Variants in SHOC2 observed in about 807,000 individuals in gnomAD.
SHOC2 encodes leucine-rich repeat protein SHOC-2.
Under a neutral mutation model 50.2 loss-of-function variants are expected in SHOC2, and 4 were observed. The observed-to-expected ratio is 0.08, with a 90% confidence interval of 0.04 to 0.18. The LOEUF (loss-of-function observed/expected upper bound fraction) is 0.18. Ranked by LOEUF, SHOC2 falls within the 10% of genes least tolerant of loss-of-function variation. SHOC2 has a pLI of 1.00. For synonymous variants in SHOC2, 218 were observed against 244.5 expected (o/e 0.89, Z 1.01); for missense variants, 388 against 669.6 (o/e 0.58, Z 4.64).
chr10:110,966,097 A>G (rs1847669560), intron 2 of SHOC2, among the ~76,000 whole-genome samples: 1 of 152,104 alleles, frequency 6.6e-6, no homozygotes, highest in Admixed American at 6.6e-5. Flanking sequence ...CTTTTCAAAG[A>G]TATGATATTC....
intron 1 of SHOC2, among the ~76,000 whole-genome samples, chr10:110,923,398 G>A (rs1846693332): frequency 1.3e-5 from 2 of 151,830 alleles, no homozygotes; most frequent in Non-Finnish European, 2.9e-5. Flanking sequence ...GTTCATTCTG[G>A]TTTTGTTTGG....
chr10:110,991,144 C>G (rs758856321), intron 3 of SHOC2, among the ~76,000 whole-genome samples: 2 of 152,064 alleles, frequency 1.3e-5, no homozygotes, highest in Non-Finnish European at 2.9e-5. Flanking sequence ...ATATATGTGT[C>G]TGTATCTCAA....
intron 1 of SHOC2, among the ~76,000 whole-genome samples, chr10:110,924,817 C>A (rs544584579): frequency 2.6e-5 from 4 of 152,164 alleles, no homozygotes; most frequent in South Asian, 4.1e-4. Flanking sequence ...CGCCTATAAT[C>A]CCTGCACTTT....
At chr10:110,983,561 T>G (rs190891737) in intron 2 of SHOC2, among the ~76,000 whole-genome samples, 33 of 152,288 alleles carry the variant, frequency 2.2e-4, no homozygotes, top group African/African-American at 7.5e-4. Context: ...ACTTGTAGAG[T>G]TCACTGGCAT....
At chr10:110,988,333 T>A (rs969559231) in intron 3 of SHOC2, among the ~76,000 whole-genome samples, 3 of 152,130 alleles carry the variant, frequency 2.0e-5, no homozygotes, top group Non-Finnish European at 4.4e-5. Context: ...AGGACAGGAC[T>A]TTTCTTTATG....
rs771053632 is a variant in SHOC2, at chr10:111,011,729, A to G, written c.1660A>G (p.Ser554Gly). The G allele has an allele frequency of 9.9e-6, 16 of 1,613,942 alleles. 1 individual carries two copies. In the Admixed American group the frequency reaches 1.7e-4, roughly 17 times the overall value. Reference protein sequence around the residue: ...SIMSIENCPLSHLPPQIVAGG... With the variant: ...SIMSIENCPLGHLPPQIVAGG... ...CATGAGTATTGAGAACTGTCCACTC[A>G]GTCACCTTCCACCTCAGATTGTTGC... is the stretch of plus-strand genomic sequence containing the variant. Residue 554 changes from serine (S) to glycine (G), a missense_variant, in exon 9 of 9, where the codon AGT becomes GGT. Around this residue, in one of 5 missense-constraint regions of SHOC2, gnomAD observed 130 missense variants for 208.6 expected, o/e 0.62. Transcript: ENST00000369452.
chr10:110,921,380 C>A (rs1392721882), intron 1 of SHOC2, among the ~76,000 whole-genome samples: 1 of 151,924 alleles, frequency 6.6e-6, no homozygotes. Context: ...CAAAAATAAA[C>A]ACAAAACTGA....
Position 110,947,388 on chromosome 10 carries a change from G to A in SHOC2, c.-234-16737G>A, listed in dbSNP as rs538431318. On this transcript the variant is annotated intron_variant, in intron 1 of 8. Transcript: ENST00000369452. Reference sequence around the variant, plus strand: ...GCTGTCCGGAATCTCTGGACAGGCTGACTGGTAAAGGGCTTCCTATGTTAA... The same window carrying A: ...GCTGTCCGGAATCTCTGGACAGGCTAACTGGTAAAGGGCTTCCTATGTTAA... Among the ~76,000 whole-genome samples, 61 of 152,340 alleles carry A rather than the reference G, an allele frequency of 4.0e-4. 1 individual carries two copies. The highest frequency in any genetic ancestry group is 1.4e-3 in the African/African-American group (60 of 41,588).
chr10:110,919,422 G>C (rs994913718), upstream of SHOC2: 1 of 393,294 alleles, frequency 2.5e-6, no homozygotes. Flanking sequence ...GTCTCTGATT[G>C]GGCAGCTTCT....
intron 5 of SHOC2, among the ~76,000 whole-genome samples, 167 bp from the exon 6 acceptor site, chr10:111,007,364 T>C (rs751981829): frequency 7.9e-5 from 12 of 152,220 alleles, no homozygotes; most frequent in Non-Finnish European, 1.8e-4. Flanking sequence ...TAAAAAACTT[T>C]GGAGGCTTAG....
chr10:110,926,098 T>C (rs1487575057), intron 1 of SHOC2, among the ~76,000 whole-genome samples: 1 of 152,194 alleles, frequency 6.6e-6, no homozygotes, highest in Non-Finnish European at 1.5e-5. Context: ...TATCCCAGAC[T>C]TTGGGAGACC....
At chr10:110,995,903 C>T (rs1445044457) in intron 3 of SHOC2, among the ~76,000 whole-genome samples, 1 of 152,184 alleles carries the variant, frequency 6.6e-6, no homozygotes, top group Admixed American at 6.5e-5. Context: ...TTCCTTCTTT[C>T]TAAGATTAAC....
At chr10:110,958,789 A>G (rs887155375) in intron 1 of SHOC2, among the ~76,000 whole-genome samples, 1 of 151,680 alleles carries the variant, frequency 6.6e-6, no homozygotes, top group African/African-American at 2.4e-5. Flanking sequence ...TAAGCCGGCT[A>G]CTCAGACATT....
chr10:110,962,479 G>A (rs2134118400), intron 1 of SHOC2, among the ~76,000 whole-genome samples: 1 of 150,196 alleles, frequency 6.7e-6, no homozygotes, highest in East Asian at 1.9e-4. Flanking sequence ...CTTTTTTTTT[G>A]AAAGGGTTGA....
intron 3 of SHOC2, among the ~76,000 whole-genome samples, chr10:110,999,116 G>A (rs145766720): frequency 1.3e-5 from 2 of 152,176 alleles, no homozygotes; most frequent in African/African-American, 4.8e-5. Context: ...GTTGACACAG[G>A]CTTCCACTTC....
In SHOC2 at chr10:110,964,085, TTATC is replaced by T. The variant is rs1184195422; in HGVS notation, c.-234-37_-234-34del. On this transcript the variant is annotated intron_variant, in intron 1 of 8. Coordinates refer to ENST00000369452, the MANE Select transcript of SHOC2 (RefSeq NM_007373.4). The surrounding 1 kb of genome is among the most constrained non-coding windows in gnomAD (Gnocchi z 4.9). ...TTTTTCAGAGCCTATTTAATATAAA[TTATC>T]TAAAGTAATTTAATACTGTCTATAT... The T allele has an allele frequency of 8.9e-6, 4 of 450,638 alleles. No individual in the cohort carries two copies. Among genetic ancestry groups the T allele is most frequent in the African/African-American group, 4.1e-5 (2 of 49,014 alleles). The allele number at this position is 450,638 out of a possible 1,614,324, so 27.9% of individuals were successfully genotyped here.
intron 1 of SHOC2, among the ~76,000 whole-genome samples, chr10:110,960,823 C>T (rs2134116444): frequency 6.6e-6 from 1 of 152,116 alleles, no homozygotes; most frequent in East Asian, 1.9e-4. Flanking sequence ...TTACAGGCGC[C>T]CGCCACCACG....
At chr10:111,006,492 T>C (rs1024110684) in intron 5 of SHOC2, among the ~76,000 whole-genome samples, 6 of 151,674 alleles carry the variant, frequency 4.0e-5, no homozygotes, top group African/African-American at 1.5e-4. Context: ...TGCCTCAGCC[T>C]CCCAAGTAGC....
chr10:110,940,794 A>G (rs1393820342), intron 1 of SHOC2, among the ~76,000 whole-genome samples: 1 of 151,872 alleles, frequency 6.6e-6, no homozygotes, highest in Non-Finnish European at 1.5e-5. Context: ...GATAATTGGT[A>G]TACGTTTTTT....
Sources: gnomAD v4.1 joint callset for allele counts (sites outside exome capture counted in the v4.1 genomes callset) on GRCh38, gnomAD v4.1.1 for gene constraint, gnomAD v4.1.1 regional missense constraint, Gnocchi (gnomAD v3.1) non-coding constraint, MANE v1.5 for transcripts, NCBI Gene and HGNC (gene_info 2026-07-23, HGNC 2026-07-21) for gene names.